Variants in CREBBP observed in about 807,000 individuals in gnomAD.
CREBBP encodes the protein CREB binding lysine acetyltransferase, also known as CREB-binding protein.
In CREBBP, 19 loss-of-function variants were observed where a neutral mutation model predicts 265.0. The ratio of observed to expected loss-of-function variants is 0.07; its 90% CI spans 0.05 to 0.11. CREBBP has a LOEUF of 0.11. Ranked by LOEUF, CREBBP falls within the 10% of genes least tolerant of loss-of-function variation. The pLI, the probability that CREBBP is intolerant of heterozygous loss-of-function variation, is 1.00. For synonymous variants in CREBBP, 1,457 were observed against 1,223.7 expected (o/e 1.19, Z -3.98); for missense variants, 2,525 against 3,219.0 (o/e 0.78, Z 5.22).
At chr16:3,733,123 A>G (rs1313726032) in intron 28 of CREBBP, among the ~76,000 whole-genome samples, 1 of 151,960 alleles carries the variant, frequency 6.6e-6, no homozygotes, top group Non-Finnish European at 1.5e-5. Context: ...AGCACTTTGG[A>G]AGGCCAAGGC....
chr16:3,729,934 C>G (rs1176692097), intron 30 of CREBBP, 60 bp from the exon 31 acceptor site: 1 of 1,584,880 alleles, frequency 6.3e-7, no homozygotes, highest in African/African-American at 1.3e-5. Context: ...CACCAGGCAT[C>G]CTGGCTGCTT....
At chr16:3,844,147 CAA>C (rs545907683) in intron 2 of CREBBP, among the ~76,000 whole-genome samples, 8 of 19,726 alleles carry the variant, frequency 4.1e-4, no homozygotes, top group Non-Finnish European at 7.7e-4. Context: ...GACTCCGTCT[CAA>C]AAAAAAAAAA....
intron 3 of CREBBP, among the ~76,000 whole-genome samples, chr16:3,797,718 T>G (rs899696406): frequency 6.6e-6 from 1 of 151,754 alleles, no homozygotes; most frequent in African/African-American, 2.4e-5. Context: ...CTCCTAAAGG[T>G]GGTGCTTTAC....
intron 5 of CREBBP, among the ~76,000 whole-genome samples, chr16:3,784,162 C>T (rs2053336451): frequency 6.6e-6 from 1 of 152,224 alleles, no homozygotes; most frequent in Non-Finnish European, 1.5e-5. Context: ...CTTTCAAATC[C>T]CAACCACTAT....
At chr16:3,748,648 C>A (rs962968698) in intron 21 of CREBBP, among the ~76,000 whole-genome samples, 3 of 152,190 alleles carry the variant, frequency 2.0e-5, no homozygotes, top group African/African-American at 7.2e-5. Context: ...CCCACACTTC[C>A]CAAGTAGCCA....
Position 3,727,577 on chromosome 16 carries a change from A to G in CREBBP, c.*141T>C, listed in dbSNP as rs2051778842. The G allele has an allele frequency of 8.9e-6, 12 of 1,345,640 alleles. No individual in the cohort carries two copies. The highest frequency in any genetic ancestry group is 1.2e-5 in the Non-Finnish European group (12 of 998,834). 83.4% of individuals were successfully genotyped at this position (1,345,640 alleles called of 1,614,324 possible). On this transcript the variant is annotated 3_prime_UTR_variant, in exon 31 of 31. Coordinates refer to ENST00000262367, the MANE Select transcript of CREBBP (RefSeq NM_004380.3). ...TTTAACAAAAAAATATATTCTTTGTATTGTTTCTTTAAACATCAATCCACC... is the reference window on the plus strand; with the variant it reads ...TTTAACAAAAAAATATATTCTTTGTGTTGTTTCTTTAAACATCAATCCACC...
intron 8 of CREBBP, among the ~76,000 whole-genome samples, chr16:3,779,111 G>C (rs770457813): frequency 3.0e-4 from 45 of 151,430 alleles, no homozygotes; most frequent in Non-Finnish European, 5.2e-4. Flanking sequence ...AGGTTGCAGT[G>C]AGCTGAGATC....
At chr16:3,797,494 A>C (rs2053630784) in intron 3 of CREBBP, among the ~76,000 whole-genome samples, 1 of 152,222 alleles carries the variant, frequency 6.6e-6, no homozygotes, top group African/African-American at 2.4e-5. Context: ...CACCTATGAT[A>C]AAGTTTAATT....
In CREBBP at chr16:3,727,689, GA is replaced by G. The variant is rs142721165; in HGVS notation, c.*28del. 6.9e-3 allele frequency: 11,160 copies of G among 1,613,786 alleles called. 510 individuals are homozygous for G. In the African/African-American group the frequency reaches 0.12, roughly 17 times the overall value. On this transcript the variant is annotated 3_prime_UTR_variant, in exon 31 of 31. Transcript: ENST00000262367. Reference sequence around the variant, plus strand: ...TTCAGTACAAAAGGTCCAAGAACATGAAAGGGAAAAGGTGATGCTCTCACAA... The same window carrying G: ...TTCAGTACAAAAGGTCCAAGAACATGAAGGGAAAAGGTGATGCTCTCACAA...
chr16:3,829,890 T>A (rs1263163510), intron 2 of CREBBP, among the ~76,000 whole-genome samples: 1 of 151,920 alleles, frequency 6.6e-6, no homozygotes, highest in Non-Finnish European at 1.5e-5. Context: ...GATGTTGGAA[T>A]TTGCCTCTAC....
At chr16:3,749,308 C>A (rs911453417) in intron 21 of CREBBP, among the ~76,000 whole-genome samples, 1 of 152,208 alleles carries the variant, frequency 6.6e-6, no homozygotes, top group African/African-American at 2.4e-5. Context: ...ATACTCCTAA[C>A]CTTTGGTCTC....
At chr16:3,878,222 A>T (rs1300118742) in intron 1 of CREBBP, among the ~76,000 whole-genome samples, 2 of 152,262 alleles carry the variant, frequency 1.3e-5, no homozygotes, top group East Asian at 3.8e-4. Context: ...TACGTCTCAC[A>T]GAACTGAAGA....
intron 2 of CREBBP, among the ~76,000 whole-genome samples, chr16:3,849,525 CT>C (rs140938515): frequency 0.46 from 3,011 of 6,558 alleles, 1,197 homozygotes; most frequent in East Asian, 0.76. Flanking sequence ...GAGGCTGCTG[CT>C]TTTTTTTTTT....
chr16:3,759,229 C>T (rs2052654334), intron 16 of CREBBP, among the ~76,000 whole-genome samples: 1 of 152,160 alleles, frequency 6.6e-6, no homozygotes, highest in South Asian at 2.1e-4. Flanking sequence ...ACATTAAAAA[C>T]TTGGCTGAAA....
chr16:3,746,725 T>C (rs760122587), intron 21 of CREBBP, among the ~76,000 whole-genome samples: 6 of 152,126 alleles, frequency 3.9e-5, no homozygotes, highest in South Asian at 2.1e-4. Context: ...GGTGGAAGGA[T>C]TGCTTTACTG....
chr16:3,835,571 T>TTC (rs1366257610), intron 2 of CREBBP, among the ~76,000 whole-genome samples: 1 of 148,498 alleles, frequency 6.7e-6, no homozygotes, highest in African/African-American at 2.6e-5. Context: ...CACAGAAGAT[T>TTC]TCTTCTTTTT....
chr16:3,780,591 C>T, intron 8 of CREBBP, 141 bp downstream of exon 8: 1 of 866,554 alleles, frequency 1.2e-6, no homozygotes, highest in East Asian at 2.7e-5. Context: ...CCTAGGGCTG[C>T]CAGAACTCTA....
At chr16:3,803,862 C>T (rs2053775591) in intron 3 of CREBBP, among the ~76,000 whole-genome samples, 1 of 152,082 alleles carries the variant, frequency 6.6e-6, no homozygotes, top group South Asian at 2.1e-4. Flanking sequence ...GGGTGGATCT[C>T]CTGAGCTCAG....
At position 3,879,973 on chromosome 16, in the gene CREBBP, G is replaced by C; in HGVS notation, c.-57C>G. Reference sequence around the variant, plus strand: ...CGGGCGGCCGGGCCGGCGAGGGCCCGGACGGGGGTCGGGGGCCCTGCCGGC... The same window carrying C: ...CGGGCGGCCGGGCCGGCGAGGGCCCCGACGGGGGTCGGGGGCCCTGCCGGC... On this transcript the variant is annotated 5_prime_UTR_variant, in exon 1 of 31. Transcript: ENST00000262367. The C allele has an allele frequency of 6.5e-7, 1 of 1,532,386 alleles. No individual in the cohort carries two copies. Among genetic ancestry groups the C allele is most frequent in the South Asian group, 1.2e-5 (1 of 85,430 alleles). 94.9% of individuals were successfully genotyped at this position (1,532,386 alleles called of 1,614,324 possible).
Sources: gnomAD v4.1 joint callset for allele counts (sites outside exome capture counted in the v4.1 genomes callset) on GRCh38, gnomAD v4.1.1 for gene constraint, MANE v1.5 for transcripts, NCBI Gene and HGNC (gene_info 2026-07-23, HGNC 2026-07-21) for gene names.